The following FAM53B variants were observed in gnomAD, a reference collection of about 807,000 sequenced individuals.
FAM53B encodes the protein protein FAM53B.
FAM53B carries 12 observed loss-of-function variants against 32.7 expected under a neutral mutation model. The ratio of observed to expected loss-of-function variants is 0.37; its 90% CI spans 0.24 to 0.59. The LOEUF is 0.59. FAM53B is among the 20% of genes least tolerant of loss of function. The pLI, the probability that FAM53B is intolerant of heterozygous loss-of-function variation, is 0.72. For synonymous variants in FAM53B, 234 were observed against 228.7 expected, an observed-to-expected ratio of 1.02 and a Z score of -0.21; for missense variants, 477 against 577.7, an observed-to-expected ratio of 0.83 and a Z score of 1.79.
In FAM53B at chr10:124,733,713, C is replaced by T. The variant is rs929164045; in HGVS notation, c.-175+10300G>A. Among the ~76,000 whole-genome samples, 1 of 152,190 alleles carries T rather than the reference C, an allele frequency of 6.6e-6. No homozygotes were observed. Among genetic ancestry groups the T allele is most frequent in the Admixed American group, 6.5e-5 (1 of 15,278 alleles). On this transcript the variant is annotated intron_variant, in intron 1 of 4. Transcript: ENST00000337318. This position sits in a 1 kb window ranked among gnomAD's most constrained non-coding sequence, Gnocchi z 4.3. ...AAAGACCACATCACTCTGGCCAAGGCGGCACTTGATGAAAATTCTCAGAGG... is the reference window on the plus strand; with the variant it reads ...AAAGACCACATCACTCTGGCCAAGGTGGCACTTGATGAAAATTCTCAGAGG...
rs1589750528 is a variant in FAM53B at position 124,686,056 on chromosome 10, A to C, written c.134-3677T>G. 2.0e-5 allele frequency among the ~76,000 whole-genome samples: 3 copies of C among 152,346 alleles called. No individual in the cohort carries two copies. The East Asian group carries it at 5.8e-4, about 29-fold the overall frequency. Reference sequence around the variant, plus strand: ...TGGAGGTCAGAAAAGAATCATATAGAGTCAAAACCATCCTTGAAGAATTCC... The same window carrying C: ...TGGAGGTCAGAAAAGAATCATATAGCGTCAAAACCATCCTTGAAGAATTCC... On this transcript the variant is annotated intron_variant, in intron 3 of 4. Coordinates refer to ENST00000337318, the MANE Select transcript of FAM53B (RefSeq NM_014661.4).
At chr10:124,738,468 G>T (rs11245347) in intron 1 of FAM53B, among the ~76,000 whole-genome samples, 83,025 of 151,292 alleles carry the variant, frequency 0.55, 23,425 homozygotes, top group South Asian at 0.65. Flanking sequence ...GCCCCAGCAC[G>T]CTCCTACAAA....
chr10:124,654,590 C>A (rs1156260528), intron 4 of FAM53B, among the ~76,000 whole-genome samples: 1 of 152,244 alleles, frequency 6.6e-6, no homozygotes, highest in Non-Finnish European at 1.5e-5. Flanking sequence ...CGTGGCCCTC[C>A]CTGCCCAGGG....
chr10:124,714,334 A>G (rs1950025091), intron 1 of FAM53B: 1 of 152,084 alleles, frequency 6.6e-6, no homozygotes, highest in Non-Finnish European at 1.5e-5. Flanking sequence ...AGGACCCACG[A>G]ATGTGCAGCT....
intron 3 of FAM53B, among the ~76,000 whole-genome samples, chr10:124,692,316 C>G (rs1030300603): frequency 1.3e-5 from 2 of 152,176 alleles, no homozygotes; most frequent in Non-Finnish European, 2.9e-5. Context: ...TTATCTGTAT[C>G]AAGTTCCTAA....
At chr10:124,662,518 T>C (rs952635993) in intron 4 of FAM53B, among the ~76,000 whole-genome samples, 10 of 142,160 alleles carry the variant, frequency 7.0e-5, no homozygotes, top group African/African-American at 2.6e-4. Context: ...ATCCATGTAT[T>C]CAATAAATTT....
intron 4 of FAM53B, among the ~76,000 whole-genome samples, chr10:124,647,682 C>T (rs1479156489): frequency 6.6e-6 from 1 of 152,148 alleles, no homozygotes; most frequent in Non-Finnish European, 1.5e-5. Flanking sequence ...CTTTCCATGT[C>T]ACCCCATGGG....
chr10:124,675,113 G>A (rs1413630550), intron 4 of FAM53B, among the ~76,000 whole-genome samples: 3 of 152,194 alleles, frequency 2.0e-5, no homozygotes, highest in African/African-American at 4.8e-5. Context: ...ACTCGGCCCC[G>A]ATCCCAGTGA....
intron 4 of FAM53B, among the ~76,000 whole-genome samples, chr10:124,628,846 C>T (rs149392538): frequency 2.0e-5 from 3 of 152,346 alleles, no homozygotes; most frequent in East Asian, 1.9e-4. Flanking sequence ...AGTCACACTT[C>T]GCAGCTCCCA....
At chr10:124,667,102 A>G (rs1184993725) in intron 4 of FAM53B, 4 of 411,296 alleles carry the variant, frequency 9.7e-6, no homozygotes. Context: ...TCACTGAATG[A>G]TGGAGCAGTG....
At chr10:124,643,916 A>G (rs1489380962) in intron 4 of FAM53B, among the ~76,000 whole-genome samples, 1 of 152,234 alleles carries the variant, frequency 6.6e-6, no homozygotes, top group Admixed American at 6.5e-5. Flanking sequence ...GCCCATCTGT[A>G]CATGGCATCT....
At chr10:124,715,401 T>C (rs1376503758) in intron 1 of FAM53B, among the ~76,000 whole-genome samples, 2 of 152,290 alleles carry the variant, frequency 1.3e-5, no homozygotes, top group East Asian at 3.9e-4. Flanking sequence ...CTCAGGGTGC[T>C]CCTGGGCCTG....
At chr10:124,730,851 A>AT (rs1304956437) in intron 1 of FAM53B, among the ~76,000 whole-genome samples, 10 of 151,628 alleles carry the variant, frequency 6.6e-5, no homozygotes, top group East Asian at 5.8e-4. Flanking sequence ...AGGTCAGCAC[A>AT]TTTTTTTTTC....
chr10:124,732,761 A>G (rs923534529), intron 1 of FAM53B, among the ~76,000 whole-genome samples: 1 of 151,376 alleles, frequency 6.6e-6, no homozygotes, highest in Admixed American at 6.6e-5. Context: ...TGGGAGGCTG[A>G]GGTTGCACTG....
At position 124,659,180 on chromosome 10, in the gene FAM53B, G is replaced by C. The variant is rs917665121; in HGVS notation, c.906+22427C>G. On this transcript the variant is annotated intron_variant, in intron 4 of 4. Coordinates refer to ENST00000337318, the MANE Select transcript of FAM53B (RefSeq NM_014661.4). ...GACTTGCAGGACACATACAGCCTTT[G>C]AAGCTAAACTACCCTTTGGAGAATC... Among the ~76,000 whole-genome samples, 7 of 152,214 alleles carry C rather than the reference G, an allele frequency of 4.6e-5. No individual in the cohort carries two copies. The South Asian group carries it at 8.3e-4, about 18-fold the overall frequency.
intron 3 of FAM53B, among the ~76,000 whole-genome samples, chr10:124,683,560 C>T (rs1949785604): frequency 6.6e-6 from 1 of 152,068 alleles, no homozygotes; most frequent in East Asian, 1.9e-4. Flanking sequence ...TCCACACAGC[C>T]CCCTGAGTGC....
At chr10:124,725,940 G>A (rs576582256) in intron 1 of FAM53B, among the ~76,000 whole-genome samples, 2 of 152,264 alleles carry the variant, frequency 1.3e-5, no homozygotes, top group South Asian at 4.1e-4. Context: ...CCTTGCTGGG[G>A]GGAACACTGG....
intron 1 of FAM53B, among the ~76,000 whole-genome samples, chr10:124,727,282 G>T (rs1399030915): frequency 1.5e-5 from 2 of 134,324 alleles, no homozygotes; most frequent in African/African-American, 5.4e-5. Context: ...CCTCAGGAAG[G>T]CACTTGTAGA....
chr10:124,692,765 T>C (rs1403961982), intron 3 of FAM53B, among the ~76,000 whole-genome samples: 2 of 147,596 alleles, frequency 1.4e-5, no homozygotes, highest in East Asian at 2.0e-4. Context: ...ACTCAATTTA[T>C]ATTAGTTATG....
Sources: gnomAD v4.1 joint callset for allele counts (sites outside exome capture counted in the v4.1 genomes callset) on GRCh38, gnomAD v4.1.1 for gene constraint, Gnocchi (gnomAD v3.1) non-coding constraint, MANE v1.5 for transcripts, NCBI Gene and HGNC (gene_info 2026-07-23, HGNC 2026-07-21) for gene names.